Variants in KLF7 observed in about 807,000 individuals in gnomAD.
KLF7 encodes Krueppel-like factor 7.
In KLF7, 2 loss-of-function variants were observed where a neutral mutation model predicts 27.3. That is an observed-to-expected ratio of 0.07 (90% confidence interval 0.03 to 0.23). KLF7 has a LOEUF of 0.23. Among genes scored for constraint, KLF7 ranks in the 10% least tolerant of loss-of-function variants. The pLI is 1.00. For missense variants in KLF7, 221 were observed against 394.1 expected, an observed-to-expected ratio of 0.56 and a Z score of 3.72; for synonymous variants, 165 against 162.4, an observed-to-expected ratio of 1.02 and a Z score of -0.12.
chr2:207,111,204 C>T, intron 2 of KLF7, among the ~76,000 whole-genome samples: 1 of 152,194 alleles, frequency 6.6e-6, no homozygotes, highest in Non-Finnish European at 1.5e-5. Flanking sequence ...ACATAATGGC[C>T]TCTTCAGACA....
chr2:207,151,723 TACACACACAC>T (rs72289250), intron 1 of KLF7, among the ~76,000 whole-genome samples: 30 of 149,968 alleles, frequency 2.0e-4, no homozygotes, highest in Non-Finnish European at 2.7e-4. Flanking sequence ...TGAAAAATTT[TACACACACAC>T]ACACACACAC....
intron 2 of KLF7, among the ~76,000 whole-genome samples, chr2:207,117,245 T>C (rs972672019): frequency 6.6e-6 from 1 of 152,254 alleles, no homozygotes; most frequent in Non-Finnish European, 1.5e-5. Flanking sequence ...TTTACATTAA[T>C]TTATCTTCAT....
At chr2:207,145,599 T>A (rs866067042) in intron 1 of KLF7, among the ~76,000 whole-genome samples, 3 of 152,358 alleles carry the variant, frequency 2.0e-5, no homozygotes, top group Middle Eastern at 3.4e-3. Context: ...GAGAAGAATA[T>A]TTTTGGGAAG....
At chr2:207,138,730 T>C (rs2077856180) in intron 1 of KLF7, among the ~76,000 whole-genome samples, 1 of 152,216 alleles carries the variant, frequency 6.6e-6, no homozygotes, top group Admixed American at 6.5e-5. Context: ...CCAGTGTGAC[T>C]ACATCATTAA....
chr2:207,116,918 ATAT>A (rs1434197580), intron 2 of KLF7, among the ~76,000 whole-genome samples: 2 of 152,188 alleles, frequency 1.3e-5, no homozygotes. Flanking sequence ...CAAGTTCCAA[ATAT>A]AATGATTTTA....
In KLF7 at chr2:207,165,570, C is replaced by T. The variant is rs749241044; in HGVS notation, c.-2G>A. On this transcript the variant is annotated 5_prime_UTR_variant, in exon 1 of 4. Transcript: ENST00000309446. ...ACTATAACTAGCCAACACGTCCATGCTGCTGCTGCCGGGCAAAACGGGAGG... is the reference window on the plus strand; with the variant it reads ...ACTATAACTAGCCAACACGTCCATGTTGCTGCTGCCGGGCAAAACGGGAGG... 9.0e-5 allele frequency: 145 copies of T among 1,613,276 alleles called. No homozygotes were observed. The highest frequency in any genetic ancestry group is 2.7e-4 in the Admixed American group (16 of 59,996).
intron 1 of KLF7, chr2:207,149,081 A>T: frequency 1.6e-6 from 2 of 1,226,392 alleles, no homozygotes; most frequent in Non-Finnish European, 1.0e-6. Context: ...TGCAGTTTCC[A>T]TCAGCTCTTA....
intron 2 of KLF7, among the ~76,000 whole-genome samples, chr2:207,115,642 T>C (rs1436535182): frequency 6.6e-6 from 1 of 152,220 alleles, no homozygotes; most frequent in African/African-American, 2.4e-5. Context: ...AAGCCACTTT[T>C]AGAAAATGTA....
At chr2:207,132,904 G>C (rs2077676618) in intron 1 of KLF7, among the ~76,000 whole-genome samples, 1 of 152,258 alleles carries the variant, frequency 6.6e-6, no homozygotes, top group Non-Finnish European at 1.5e-5. Flanking sequence ...CCCATGCACA[G>C]AGAGGCTTCT....
chr2:207,119,065 T>C (rs1270110261), intron 2 of KLF7, among the ~76,000 whole-genome samples: 1 of 152,226 alleles, frequency 6.6e-6, no homozygotes, highest in Non-Finnish European at 1.5e-5. Context: ...TATCCTGTTA[T>C]ATTGTTCGGG....
intron 1 of KLF7, among the ~76,000 whole-genome samples, chr2:207,152,272 T>C (rs2078266328): frequency 6.6e-6 from 1 of 150,460 alleles, no homozygotes; most frequent in African/African-American, 2.5e-5. Context: ...ATGTTTTTCT[T>C]ACACACACAC....
At chr2:207,083,616 G>A (rs1214080846) in intron 3 of KLF7, among the ~76,000 whole-genome samples, 1 of 152,174 alleles carries the variant, frequency 6.6e-6, no homozygotes, top group Admixed American at 6.5e-5. Context: ...CTGGTAGGCA[G>A]AATAATGCTC....
chr2:207,166,075 C>T (rs1368053734), upstream of KLF7: 2 of 920,968 alleles, frequency 2.2e-6, no homozygotes, highest in Non-Finnish European at 2.5e-6. Flanking sequence ...TTGTAGTCTT[C>T]CCCCTCCCTT....
chr2:207,147,504 T>C lies in KLF7; in HGVS notation c.102+17963A>G, dbSNP rs116276621. 5.6e-3 allele frequency among the ~76,000 whole-genome samples: 854 copies of C among 152,288 alleles called. 7 individuals carry two copies. Among genetic ancestry groups the C allele is most frequent in the African/African-American group, 0.02 (818 of 41,538 alleles). On this transcript the variant is annotated intron_variant, in intron 1 of 3. Coordinates refer to ENST00000309446, the MANE Select transcript of KLF7 (RefSeq NM_003709.4). ...ATACATAATAGACACTTTTATTCCT[T>C]CTTTTTTTCCCTCATTTACAGAAGA...
At chr2:207,102,412 A>C (rs556596781) in intron 2 of KLF7, among the ~76,000 whole-genome samples, 179 of 152,300 alleles carry the variant, frequency 1.2e-3, no homozygotes, top group African/African-American at 3.8e-3. Flanking sequence ...AGGTGCAAGA[A>C]ATATTAAGAT....
At chr2:207,126,659 C>T (rs1046166692) in intron 1 of KLF7, among the ~76,000 whole-genome samples, 4 of 152,114 alleles carry the variant, frequency 2.6e-5, no homozygotes, top group African/African-American at 9.7e-5. Context: ...GAAAATTTGC[C>T]GGGCGCAGTG....
chr2:207,173,715 T>C, the KLF7 span: 2 of 152,164 alleles, frequency 1.3e-5, no homozygotes, highest in African/African-American at 4.8e-5. Context: ...ACCTGGTAGA[T>C]TGTGAGTTAT....
At chr2:207,159,604 T>C (rs748168223) in intron 1 of KLF7, among the ~76,000 whole-genome samples, 5 of 152,200 alleles carry the variant, frequency 3.3e-5, no homozygotes, top group Non-Finnish European at 5.9e-5. Context: ...GAATGAAGTA[T>C]TTACTGTGGA....
Position 207,100,292 on chromosome 2 carries a change from A to G in KLF7, c.734-11711T>C, listed in dbSNP as rs910588844. On this transcript the variant is annotated intron_variant, in intron 2 of 3. Coordinates refer to ENST00000309446, the MANE Select transcript of KLF7 (RefSeq NM_003709.4). ...AAATCAGTGAAGATTTAAAACATCA[A>G]TATGTCTACATAATTCTCTTCCAAG... 3.3e-5 allele frequency among the ~76,000 whole-genome samples: 5 copies of G among 152,238 alleles called. No homozygotes were observed. The East Asian group carries it at 7.7e-4, about 23-fold the overall frequency.
Sources: gnomAD v4.1 joint callset for allele counts (sites outside exome capture counted in the v4.1 genomes callset) on GRCh38, gnomAD v4.1.1 for gene constraint, MANE v1.5 for transcripts, NCBI Gene and HGNC (gene_info 2026-07-23, HGNC 2026-07-21) for gene names.